MASTL: variants seen among roughly 807,000 people sequenced by gnomAD.
MASTL encodes the protein serine/threonine-protein kinase greatwall.
A neutral mutation model predicts 82.5 loss-of-function variants in MASTL; 54 were observed. The observed-to-expected ratio is 0.65, with a 90% CI of 0.53 to 0.82. MASTL has a LOEUF of 0.82. MASTL is among the 40% of genes least tolerant of loss of function. The pLI is 0.00. For synonymous variants in MASTL, 323 were observed against 368.9 expected (o/e 0.88, Z 1.43); for missense variants, 950 against 1,047.8 (o/e 0.91, Z 1.29).
intron 8 of MASTL, among the ~76,000 whole-genome samples, chr10:27,171,442 T>G (rs1448798161): frequency 2.2e-5 from 2 of 88,914 alleles, no homozygotes; most frequent in East Asian, 2.9e-4. Flanking sequence ...ATTATTATTA[T>G]TATTATTATT....
rs765531901 is a variant in MASTL at position 27,171,047 on chromosome 10, C to G, written c.2088C>G (p.Thr696=). The G allele has an allele frequency of 1.2e-6, 2 of 1,613,908 alleles. No individual in the cohort carries two copies. The highest frequency in any genetic ancestry group is 1.6e-4 in the Middle Eastern group (1 of 6,062). The part of the protein sequence containing the change: ...AYSGSYPMAI[T]PTQKRRSCMP... ...GTGGTTCATATCCCATGGCTATAACCCCTACTCAAAAAAGAAGATCCTGTA... is the reference window on the plus strand; with the variant it reads ...GTGGTTCATATCCCATGGCTATAACGCCTACTCAAAAAAGAAGATCCTGTA... Residue 696 remains threonine (T), a synonymous_variant, in exon 8 of 12, where the codon ACC becomes ACG. Transcript: ENST00000375940.
intron 1 of MASTL, among the ~76,000 whole-genome samples, chr10:27,156,189 A>G (rs997738359): frequency 8.5e-5 from 11 of 129,564 alleles, no homozygotes; most frequent in Non-Finnish European, 1.1e-4. Flanking sequence ...TATTTTTAGT[A>G]GAGACGGGGT....
chr10:27,158,776 C>A (rs1371479057), intron 2 of MASTL, 90 bp downstream of exon 2: 1 of 1,414,594 alleles, frequency 7.1e-7, no homozygotes, highest in Non-Finnish European at 1.0e-6. Context: ...GTTCAGAGTG[C>A]TTGCATTTGA....
intron 4 of MASTL, among the ~76,000 whole-genome samples, chr10:27,162,413 A>G (rs903057540): frequency 2.6e-5 from 4 of 152,256 alleles, no homozygotes; most frequent in Admixed American, 6.5e-5. Flanking sequence ...CTGTAATCCC[A>G]GCACTCTGGG....
In MASTL at chr10:27,155,399, C is replaced by A. The variant is rs7919803; in HGVS notation, c.-28C>A. On this transcript the variant is annotated 5_prime_UTR_variant, in exon 1 of 12. It adds an upstream start codon to the 5' untranslated region. Coordinates refer to ENST00000375940, the MANE Select transcript of MASTL (RefSeq NM_001172303.3). ...GTGGCTGCTCGCGGAGGGGCAGTGT[C>A]TGCGGGGCCGCTGTATGCTGTCCAG... 0.62 allele frequency: 982,887 copies of A among 1,575,846 alleles called. 309,884 individuals are homozygous for A. Among genetic ancestry groups the A allele is most frequent in the Non-Finnish European group, 0.65 (753,773 of 1,162,554 alleles).
intron 7 of MASTL, among the ~76,000 whole-genome samples, chr10:27,168,094 AT>A: frequency 2.6e-5 from 4 of 152,296 alleles, no homozygotes; most frequent in Middle Eastern, 6.8e-3. Context: ...TAAACCTTTT[AT>A]TTGCTAAAAT....
At chr10:27,165,792 A>G (rs764470137) in intron 6 of MASTL, among the ~76,000 whole-genome samples, 11 of 149,460 alleles carry the variant, frequency 7.4e-5, no homozygotes, top group Admixed American at 1.3e-4. Flanking sequence ...TCCCAGCTAC[A>G]TTGGAGGCTG....
intron 11 of MASTL, among the ~76,000 whole-genome samples, chr10:27,184,553 G>GTTTTT (rs2058535007): frequency 2.7e-5 from 2 of 74,916 alleles, no homozygotes; most frequent in Non-Finnish European, 5.7e-5. Context: ...ATATAAGAAG[G>GTTTTT]ATTTTTTTTT....
At chr10:27,167,340 AC>A in intron 7 of MASTL, 66 bp downstream of exon 7, 2 of 1,323,366 alleles carry the variant, frequency 1.5e-6, no homozygotes, top group South Asian at 1.2e-5. Flanking sequence ...GAAATATTAT[AC>A]CTTTTCATAT....
intron 11 of MASTL, among the ~76,000 whole-genome samples, chr10:27,182,889 C>G (rs538785760): frequency 1.3e-5 from 2 of 151,888 alleles, no homozygotes; most frequent in Admixed American, 6.6e-5. Context: ...CTCAAAGGAT[C>G]CTCCCACCTC....
intron 4 of MASTL, among the ~76,000 whole-genome samples, chr10:27,164,617 T>G (rs2057680991): frequency 6.6e-6 from 1 of 152,138 alleles, no homozygotes; most frequent in Non-Finnish European, 1.5e-5. Flanking sequence ...AAATTAATAT[T>G]GATTCCATAC....
At chr10:27,161,540 T>C (rs887228597) in intron 4 of MASTL, among the ~76,000 whole-genome samples, 1 of 79,208 alleles carries the variant, frequency 1.3e-5, no homozygotes, top group East Asian at 3.0e-4. Context: ...AAAATAAATA[T>C]AAAAAATTAA....
In MASTL at chr10:27,171,008, T is replaced by G. The variant is rs1460988405; in HGVS notation, c.2049T>G (p.Ile683Met). The stretch of plus-strand genomic sequence containing the variant: ...TGACTTCTTTAGATGCAATGGATAT[T>G]TCGTGTGCCTACAGTGGTTCATATC... Reference protein sequence around the residue: ...MNMTSLDAMDISCAYSGSYPM... With the variant: ...MNMTSLDAMDMSCAYSGSYPM... Residue 683 changes from isoleucine (I) to methionine (M), a missense_variant, in exon 8 of 12, where the codon ATT becomes ATG. Coordinates refer to ENST00000375940, the MANE Select transcript of MASTL (RefSeq NM_001172303.3). 6 of 1,614,004 alleles carry G rather than the reference T, an allele frequency of 3.7e-6. No individual in the cohort carries two copies. Among genetic ancestry groups the G allele is most frequent in the Non-Finnish European group, 5.1e-6 (6 of 1,179,994 alleles).
chr10:27,184,642 C>G (rs780289871), intron 11 of MASTL, among the ~76,000 whole-genome samples: 2 of 137,412 alleles, frequency 1.5e-5, no homozygotes, highest in Non-Finnish European at 3.0e-5. Context: ...CTCACTGCAG[C>G]CTCAGCCTCC....
At chr10:27,167,015 CT>C in intron 6 of MASTL, 86 bp from the exon 7 acceptor site, 1 of 1,034,588 alleles carries the variant, frequency 9.7e-7, no homozygotes, top group East Asian at 2.4e-5. Context: ...ATTCTTGATA[CT>C]TTGCTTAATT....
At position 27,170,141 on chromosome 10, in the gene MASTL, T is replaced by C. The variant is rs1218729775; in HGVS notation, c.1182T>C (p.Ser394=). The C allele has an allele frequency of 6.2e-7, 1 of 1,614,198 alleles. No individual in the cohort carries two copies. Among genetic ancestry groups the C allele is most frequent in the Admixed American group, 1.7e-5 (1 of 60,010 alleles). The change falls in exon 8 of 12, where the codon TCT becomes TCC. Residue 394 remains serine, a synonymous_variant. Coordinates refer to ENST00000375940, the MANE Select transcript of MASTL (RefSeq NM_001172303.3). ...SCVNLAKKCF[S]GEVSWEAVEL... ...TAAACCTTGCTAAAAAATGCTTCTC[T>C]GGGGAAGTTTCTTGGGAAGCAGTAG...
intron 8 of MASTL, 135 bp from the exon 9 acceptor site, chr10:27,172,983 T>G: frequency 3.9e-6 from 4 of 1,012,932 alleles, no homozygotes; most frequent in Middle Eastern, 2.4e-4. Context: ...TTTTCAAAAC[T>G]TATCAAAAAT....
chr10:27,170,213 A>C lies in MASTL; in HGVS notation c.1254A>C (p.Leu418Phe). ...NINMDTDTSQ[L>F]GFHQSNQWAV... is the part of the protein sequence containing the mutation. ...ATATGGACACTGACACAAGTCAGTTAGGTTTCCATCAGTCAAATCAGTGGG... is the reference window on the plus strand; with the variant it reads ...ATATGGACACTGACACAAGTCAGTTCGGTTTCCATCAGTCAAATCAGTGGG... Residue 418 changes from leucine (L) to phenylalanine (F), a missense_variant, in exon 8 of 12, where the codon TTA (leucine) becomes TTC (phenylalanine). Leu to Phe is a conservative substitution (Grantham distance 22). Transcript: ENST00000375940. The C allele has an allele frequency of 6.2e-6, 10 of 1,614,178 alleles. No homozygotes were observed. Among genetic ancestry groups the C allele is most frequent in the Non-Finnish European group, 8.5e-6 (10 of 1,180,026 alleles).
chr10:27,155,153 G>T, upstream of MASTL: 1 of 446,118 alleles, frequency 2.2e-6, no homozygotes, highest in Non-Finnish European at 4.0e-6. Flanking sequence ...TTTTCTGGTC[G>T]GCCCAGAACT....
Sources: allele counts gnomAD v4.1 joint callset (sites outside exome capture counted in the v4.1 genomes callset), GRCh38; gene constraint gnomAD v4.1.1; transcripts MANE v1.5; gene names NCBI Gene and HGNC (gene_info 2026-07-23, HGNC 2026-07-21).